Variants in MSH4 observed in about 807,000 individuals in gnomAD.
The protein encoded by MSH4 is mutS protein homolog 4.
A neutral mutation model predicts 113.7 loss-of-function variants in MSH4; 106 were observed. That is an observed-to-expected ratio of 0.93 (90% confidence interval 0.80 to 1.10). The LOEUF (loss-of-function observed/expected upper bound fraction) is 1.10, where lower values mean the gene tolerates loss of function less well. MSH4 is among the 50% of genes least tolerant of loss of function. The pLI, the probability that MSH4 is intolerant of heterozygous loss-of-function variation, is 0.00. For synonymous variants in MSH4, 368 were observed against 380.2 expected (o/e 0.97, Z 0.37); for missense variants, 1,061 against 1,093.7 (o/e 0.97, Z 0.42).
At chr1:75,852,623 T>C (rs746926531) in intron 8 of MSH4, among the ~76,000 whole-genome samples, 5 of 152,222 alleles carry the variant, frequency 3.3e-5, no homozygotes, top group African/African-American at 4.8e-5. Context: ...TGACTGACAA[T>C]GTCGAGCATC....
In MSH4 at chr1:75,890,585, A is replaced by G. The variant is rs1652229968; in HGVS notation, c.2227-111A>G. 5 of 549,354 alleles carry G rather than the reference A, an allele frequency of 9.1e-6. No individual in the cohort carries two copies. In the South Asian group the frequency reaches 1.2e-4, roughly 13 times the overall value. 34.0% of individuals were successfully genotyped at this position (549,354 alleles called of 1,614,324 possible). On this transcript the variant is annotated intron_variant, in intron 16 of 19. Coordinates refer to ENST00000263187, the MANE Select transcript of MSH4 (RefSeq NM_002440.4). ...TTTTCTGCTCAGCAGGATGTCTCTA[A>G]GAATACATTTCAGATGAACTTATAA...
chr1:75,832,435 T>G (rs558236355), intron 7 of MSH4, among the ~76,000 whole-genome samples: 3 of 152,296 alleles, frequency 2.0e-5, no homozygotes, highest in African/African-American at 4.8e-5. Context: ...ACTCATTTTA[T>G]GAGGCTGGCA....
chr1:75,841,231 C>T (rs1650953977), intron 7 of MSH4, among the ~76,000 whole-genome samples: 1 of 143,894 alleles, frequency 6.9e-6, no homozygotes, highest in Admixed American at 7.0e-5. Context: ...CACAGGGTCT[C>T]ACTCTGTCAC....
chr1:75,887,995 A>G (rs1652163947), intron 15 of MSH4, among the ~76,000 whole-genome samples: 1 of 151,102 alleles, frequency 6.6e-6, no homozygotes, highest in South Asian at 2.1e-4. Flanking sequence ...TCTAGTTTTT[A>G]TAATTTATTG....
intron 6 of MSH4, among the ~76,000 whole-genome samples, chr1:75,821,809 T>C (rs979522275): frequency 1.3e-5 from 2 of 152,148 alleles, no homozygotes; most frequent in African/African-American, 4.8e-5. Flanking sequence ...GGTCTCACTA[T>C]GTTGTCCATG....
chr1:75,872,634 A>G (rs1420644176), intron 9 of MSH4, among the ~76,000 whole-genome samples: 2 of 152,236 alleles, frequency 1.3e-5, no homozygotes, highest in Non-Finnish European at 2.9e-5. Context: ...GAATGGATCC[A>G]TCTGCCTTGC....
rs771004430 is a variant in MSH4 at position 75,890,794 on chromosome 1, T to C, written c.2325T>C (p.Tyr775=). 4.9e-5 allele frequency: 78 copies of C among 1,606,456 alleles called. No homozygotes were observed. The highest frequency in any genetic ancestry group is 6.2e-5 in the Non-Finnish European group (73 of 1,175,252). The part of the protein sequence containing the change: ...TNTEEGIGIC[Y]AVCEYLLSLK... The stretch of plus-strand genomic sequence containing the variant: ...CGGAAGAAGGTATTGGCATTTGTTA[T>C]GCTGTTTGTGAATATCTACTGAGCT... The change falls in exon 17 of 20, where the codon TAT becomes TAC. Residue 775 remains tyrosine (Y), a synonymous_variant. Transcript: ENST00000263187.
At chr1:75,870,056 A>G (rs1271412761) in intron 9 of MSH4, among the ~76,000 whole-genome samples, 2 of 152,190 alleles carry the variant, frequency 1.3e-5, no homozygotes, top group Non-Finnish European at 2.9e-5. Flanking sequence ...GCTCAAGGCT[A>G]TGGGAGTTCA....
intron 7 of MSH4, among the ~76,000 whole-genome samples, chr1:75,833,045 C>G (rs1216058837): frequency 6.6e-6 from 1 of 152,182 alleles, no homozygotes; most frequent in Non-Finnish European, 1.5e-5. Context: ...CCCATCGTCT[C>G]AGCCCAAAAT....
At chr1:75,859,719 G>C (rs1273285510) in intron 8 of MSH4, among the ~76,000 whole-genome samples, 2 of 152,186 alleles carry the variant, frequency 1.3e-5, no homozygotes, top group Non-Finnish European at 2.9e-5. Flanking sequence ...ATATGGTGCT[G>C]AGAAGAATGT....
At position 75,802,237 on chromosome 1, in the gene MSH4, T is replaced by C. The variant is rs79653408; in HGVS notation, c.245-1494T>C. Among the ~76,000 whole-genome samples, 1,210 of 152,254 alleles carry C rather than the reference T, an allele frequency of 7.9e-3. 4 individuals are homozygous for C. Among genetic ancestry groups the C allele is most frequent in the Non-Finnish European group, 0.011 (774 of 68,020 alleles). ...ACAGTTTAAGGAGTCGTTACAGCTA[T>C]ATACGAAGGCTTGAGAGTTGTCAGA... On this transcript the variant is annotated intron_variant, in intron 1 of 19. Coordinates refer to ENST00000263187, the MANE Select transcript of MSH4 (RefSeq NM_002440.4).
At chr1:75,887,444 C>T (rs1163065737) in intron 15 of MSH4, among the ~76,000 whole-genome samples, 3 of 152,014 alleles carry the variant, frequency 2.0e-5, no homozygotes, top group Non-Finnish European at 2.9e-5. Flanking sequence ...GGTGAAGCAG[C>T]AGACTAATAC....
chr1:75,826,534 T>G (rs952767795), intron 7 of MSH4, among the ~76,000 whole-genome samples: 2 of 152,218 alleles, frequency 1.3e-5, no homozygotes, highest in Non-Finnish European at 2.9e-5. Context: ...GCTTCTCTAA[T>G]TCTTTTAATT....
intron 19 of MSH4, among the ~76,000 whole-genome samples, chr1:75,907,689 CATATATATATATAT>C (rs71071973): frequency 5.1e-5 from 4 of 78,622 alleles, no homozygotes; most frequent in Middle Eastern, 0.011. Flanking sequence ...TCTCTCTATA[CATATATATATATAT>C]ATATATATAT....
At position 75,867,949 on chromosome 1, in the gene MSH4, CTAA is replaced by C. The variant is rs530424331; in HGVS notation, c.1305+366_1305+368del. Among the ~76,000 whole-genome samples, 10 of 152,012 alleles carry C rather than the reference CTAA, an allele frequency of 6.6e-5. No individual in the cohort carries two copies. The South Asian group carries it at 1.0e-3, about 16-fold the overall frequency. The stretch of plus-strand genomic sequence containing the variant: ...CCATACTCAAATTTTTAAAATTGTT[CTAA>C]TAATGTTCTTTATAGCATTTTTTTC... On this transcript the variant is annotated intron_variant, in intron 9 of 19. Coordinates refer to ENST00000263187, the MANE Select transcript of MSH4 (RefSeq NM_002440.4).
Position 75,848,150 on chromosome 1 carries a change from G to A in MSH4, c.1163-59G>A, listed in dbSNP as rs1651114016. 4.7e-6 allele frequency: 5 copies of A among 1,071,220 alleles called. No homozygotes were observed. The Admixed American group carries it at 1.0e-4, about 22-fold the overall frequency. 66.4% of individuals were successfully genotyped at this position (1,071,220 alleles called of 1,614,324 possible). A position where few individuals can be genotyped will look rare whatever the true frequency, so the allele number is the denominator to read the frequency against. ...TTCTTTGAGGATAATATTTTACATA[G>A]TCAATATTTTGAACTGTACCATAAA... On this transcript the variant is annotated intron_variant, in intron 7 of 19. Transcript: ENST00000263187.
chr1:75,876,371 CA>C (rs1426794804), intron 9 of MSH4, among the ~76,000 whole-genome samples: 1 of 151,622 alleles, frequency 6.6e-6, no homozygotes, highest in Non-Finnish European at 1.5e-5. Flanking sequence ...TGTTCATAAG[CA>C]AAAAAAGTTA....
intron 7 of MSH4, among the ~76,000 whole-genome samples, 197 bp from the exon 8 acceptor site, chr1:75,848,012 T>C (rs530952845): frequency 2.6e-5 from 4 of 152,272 alleles, no homozygotes; most frequent in South Asian, 4.2e-4. Context: ...TGAGGTGAGA[T>C]TGAGTAATCA....
At chr1:75,897,296 T>C (rs1313616902) in intron 17 of MSH4, among the ~76,000 whole-genome samples, 1 of 152,220 alleles carries the variant, frequency 6.6e-6, no homozygotes, top group Non-Finnish European at 1.5e-5. Context: ...AGAATTTGCA[T>C]GTTTAACAGG....
Sources: gnomAD v4.1 joint callset for allele counts (sites outside exome capture counted in the v4.1 genomes callset) on GRCh38, gnomAD v4.1.1 for gene constraint, MANE v1.5 for transcripts, NCBI Gene and HGNC (gene_info 2026-07-23, HGNC 2026-07-21) for gene names.